ROR1: variants seen among roughly 807,000 people sequenced by gnomAD.
ROR1 encodes ROR family WNT receptor 1, also known as inactive tyrosine-protein kinase transmembrane receptor ROR1.
In ROR1, 19 loss-of-function variants were observed where a neutral mutation model predicts 78.8. The observed-to-expected ratio is 0.24, with a 90% CI of 0.17 to 0.35. ROR1 has a LOEUF of 0.35. ROR1 is among the 10% of genes least tolerant of loss of function. ROR1 has a pLI of 1.00. For synonymous variants in ROR1, 386 were observed against 433.6 expected (o/e 0.89, Z 1.36); for missense variants, 917 against 1,177.8 (o/e 0.78, Z 3.24).
intron 1 of ROR1, among the ~76,000 whole-genome samples, chr1:63,980,065 T>A (rs750340084): frequency 3.9e-5 from 6 of 152,048 alleles, no homozygotes; most frequent in Non-Finnish European, 7.4e-5. Flanking sequence ...TAATGTGCTA[T>A]GAACAGAGGA....
intron 1 of ROR1, among the ~76,000 whole-genome samples, chr1:63,852,052 G>A (rs1311823103): frequency 3.3e-5 from 5 of 152,316 alleles, no homozygotes; most frequent in Middle Eastern, 3.4e-3. Context: ...CTATTCCAAA[G>A]GCATATGACA....
intron 4 of ROR1, among the ~76,000 whole-genome samples, chr1:64,107,429 G>GT (rs534263094): frequency 1.4e-3 from 219 of 152,286 alleles, no homozygotes; most frequent in Middle Eastern, 6.8e-3. Context: ...AAAGCTTTAT[G>GT]TGCTTCAGAG....
intron 8 of ROR1, among the ~76,000 whole-genome samples, chr1:64,175,536 A>G: frequency 6.6e-6 from 1 of 152,368 alleles, no homozygotes; most frequent in Middle Eastern, 3.4e-3. Context: ...GTTTAAAGCA[A>G]CAAATTACCA....
chr1:63,787,844 C>T (rs1302393045), intron 1 of ROR1, among the ~76,000 whole-genome samples: 1 of 152,238 alleles, frequency 6.6e-6, no homozygotes, highest in African/African-American at 2.4e-5. Context: ...TGATTTCAAT[C>T]CCTCATCTGT....
intron 1 of ROR1, among the ~76,000 whole-genome samples, chr1:63,940,435 A>G (rs554034919): frequency 9.2e-5 from 14 of 152,092 alleles, no homozygotes; most frequent in Non-Finnish European, 1.9e-4. Flanking sequence ...ATGAAGCCAC[A>G]AGTCTATTCG....
intron 4 of ROR1, among the ~76,000 whole-genome samples, chr1:64,100,251 C>T (rs1359297): frequency 0.41 from 61,420 of 151,624 alleles, 13,312 homozygotes; most frequent in Non-Finnish European, 0.5. Context: ...GAAAGCTGAG[C>T]TGGAAGGATA....
At chr1:63,832,867 A>G (rs902250653) in intron 1 of ROR1, among the ~76,000 whole-genome samples, 6 of 152,238 alleles carry the variant, frequency 3.9e-5, no homozygotes, top group African/African-American at 9.6e-5. Context: ...AACATCTACC[A>G]GCTCCTCAGT....
intron 1 of ROR1, among the ~76,000 whole-genome samples, chr1:63,810,874 C>T (rs1463516971): frequency 6.6e-6 from 1 of 152,174 alleles, no homozygotes; most frequent in Non-Finnish European, 1.5e-5. Context: ...AAGTAAATAA[C>T]TTCTCTGTAG....
At chr1:63,872,265 T>C (rs1645256948) in intron 1 of ROR1, among the ~76,000 whole-genome samples, 1 of 152,160 alleles carries the variant, frequency 6.6e-6, no homozygotes. Flanking sequence ...CATCCTCTTT[T>C]GATGATCTGC....
At chr1:63,924,932 CTTTTTTTTTTTTTTTT>C (rs751680204) in intron 1 of ROR1, among the ~76,000 whole-genome samples, 1 of 85,032 alleles carries the variant, frequency 1.2e-5, no homozygotes, top group South Asian at 4.2e-4. Flanking sequence ...AAAGGGGATG[CTTTTTTTTTTTTTTTT>C]TTTTTTTTAA....
intron 1 of ROR1, among the ~76,000 whole-genome samples, chr1:63,846,645 C>T (rs549730868): frequency 6.6e-6 from 1 of 152,254 alleles, no homozygotes; most frequent in East Asian, 1.9e-4. Flanking sequence ...TCAACGGAAT[C>T]ACAGAGCCTC....
chr1:64,170,831 GA>G (rs1650217897), intron 8 of ROR1, among the ~76,000 whole-genome samples: 1 of 152,096 alleles, frequency 6.6e-6, no homozygotes, highest in Non-Finnish European at 1.5e-5. Context: ...TAGGGCAGGG[GA>G]AAAATGCCGC....
At chr1:63,852,150 A>G (rs1419877760) in intron 1 of ROR1, among the ~76,000 whole-genome samples, 1 of 152,254 alleles carries the variant, frequency 6.6e-6, no homozygotes, top group African/African-American at 2.4e-5. Context: ...ATAGCTGTGA[A>G]TGTGGGAATA....
chr1:63,790,592 C>T (rs916309837), intron 1 of ROR1, among the ~76,000 whole-genome samples: 4 of 152,208 alleles, frequency 2.6e-5, no homozygotes, highest in African/African-American at 9.6e-5. Context: ...TTACAATCCT[C>T]CTCTTTCTCC....
At chr1:64,004,780 C>A (rs987679886) in intron 1 of ROR1, among the ~76,000 whole-genome samples, 4 of 152,052 alleles carry the variant, frequency 2.6e-5, no homozygotes, top group Non-Finnish European at 5.9e-5. Context: ...TCCTTCCTTC[C>A]AAATAACACT....
intron 1 of ROR1, among the ~76,000 whole-genome samples, chr1:63,910,127 G>C (rs1432590736): frequency 1.3e-5 from 2 of 152,170 alleles, no homozygotes; most frequent in Admixed American, 6.5e-5. Flanking sequence ...CAGGGATGCT[G>C]TCTTGTACAT....
At chr1:63,917,069 C>G (rs997192417) in intron 1 of ROR1, among the ~76,000 whole-genome samples, 4 of 152,108 alleles carry the variant, frequency 2.6e-5, no homozygotes, top group African/African-American at 9.7e-5. Context: ...TATTTCTTTA[C>G]GGACACTGTC....
intron 1 of ROR1, among the ~76,000 whole-genome samples, chr1:63,925,217 T>C (rs1470922308): frequency 7.0e-6 from 1 of 142,728 alleles, no homozygotes; most frequent in African/African-American, 2.6e-5. Context: ...CCTGTGTCCA[T>C]GTGATCTCAT....
At chr1:63,896,779 C>A (rs559971433) in intron 1 of ROR1, among the ~76,000 whole-genome samples, 1 of 152,216 alleles carries the variant, frequency 6.6e-6, no homozygotes, top group African/African-American at 2.4e-5. Context: ...TGGGGGGCTG[C>A]TTTCTGGAAA....
Sources: allele counts gnomAD v4.1 joint callset (sites outside exome capture counted in the v4.1 genomes callset), GRCh38; gene constraint gnomAD v4.1.1; transcripts MANE v1.5; gene names NCBI Gene and HGNC (gene_info 2026-07-23, HGNC 2026-07-21).